Variants in CLSTN2 observed in about 807,000 individuals in gnomAD.
CLSTN2 encodes calsyntenin 2.
A neutral mutation model predicts 101.2 loss-of-function variants in CLSTN2; 48 were observed. That is an observed-to-expected ratio of 0.47 (90% confidence interval 0.38 to 0.60). CLSTN2 has a LOEUF of 0.60. Among genes scored for constraint, CLSTN2 ranks in the 20% least tolerant of loss-of-function variants. CLSTN2 has a pLI of 0.00. For synonymous variants in CLSTN2, 481 were observed against 463.6 expected (o/e 1.04, Z -0.48); for missense variants, 1,160 against 1,238.2 (o/e 0.94, Z 0.95).
chr3:140,247,606 T>C (rs2107872959), intron 2 of CLSTN2, among the ~76,000 whole-genome samples: 1 of 152,338 alleles, frequency 6.6e-6, no homozygotes, highest in Admixed American at 6.5e-5. Context: ...TTTACTTTGC[T>C]GCAGTTCTGT....
intron 2 of CLSTN2, among the ~76,000 whole-genome samples, chr3:140,233,664 T>C (rs2086390854): frequency 6.6e-6 from 1 of 152,242 alleles, no homozygotes; most frequent in South Asian, 2.1e-4. Flanking sequence ...CTCATACTCT[T>C]CTTGACTCTG....
intron 2 of CLSTN2, among the ~76,000 whole-genome samples, chr3:140,212,770 G>A (rs573642938): frequency 5.3e-5 from 8 of 152,086 alleles, no homozygotes; most frequent in South Asian, 2.1e-4. Context: ...ACATATTGTC[G>A]CTTATGCCTG....
chr3:140,192,476 T>C (rs1366118726), intron 2 of CLSTN2, among the ~76,000 whole-genome samples: 1 of 151,942 alleles, frequency 6.6e-6, no homozygotes, highest in Non-Finnish European at 1.5e-5. Flanking sequence ...TTTGCAGCTC[T>C]GTTGTTTAGT....
intron 1 of CLSTN2, among the ~76,000 whole-genome samples, chr3:139,986,744 A>G (rs1039097413): frequency 6.6e-6 from 1 of 151,962 alleles, no homozygotes; most frequent in Non-Finnish European, 1.5e-5. Flanking sequence ...TACAATGTAC[A>G]CTCTTCCCTG....
chr3:140,459,015 T>A (rs567500999), intron 6 of CLSTN2, among the ~76,000 whole-genome samples: 1 of 152,322 alleles, frequency 6.6e-6, no homozygotes, highest in East Asian at 1.9e-4. Flanking sequence ...TCTAGAACTT[T>A]CCCCAATCAC....
intron 8 of CLSTN2, among the ~76,000 whole-genome samples, chr3:140,530,638 T>C (rs1234676532): frequency 6.6e-6 from 1 of 152,272 alleles, no homozygotes; most frequent in Non-Finnish European, 1.5e-5. Context: ...CAGATGTGGA[T>C]TGCTGTAGAG....
chr3:140,256,827 A>AT (rs1279621133), intron 2 of CLSTN2, among the ~76,000 whole-genome samples: 1 of 152,202 alleles, frequency 6.6e-6, no homozygotes, highest in Admixed American at 6.5e-5. Context: ...TTTATAATGC[A>AT]TTGAGGTTTT....
intron 8 of CLSTN2, among the ~76,000 whole-genome samples, chr3:140,491,690 T>C (rs1252517834): frequency 6.6e-6 from 1 of 152,052 alleles, no homozygotes; most frequent in Non-Finnish European, 1.5e-5. Flanking sequence ...GACATGGTGC[T>C]ACACATCTAT....
Position 140,404,542 on chromosome 3 carries a change from C to T in CLSTN2, c.429-16C>T. 1.2e-6 allele frequency: 2 copies of T among 1,612,686 alleles called. No homozygotes were observed. Among genetic ancestry groups the T allele is most frequent in the Non-Finnish European group, 8.5e-7 (1 of 1,178,754 alleles). ...TTTCTTTACCACCATCCCTTCCTTT[C>T]TGTGTGTGGTCCCAGGGCCGTGGTC... On this transcript the variant is annotated splice_polypyrimidine_tract_variant and intron_variant, in intron 3 of 16. Coordinates refer to ENST00000458420, the MANE Select transcript of CLSTN2 (RefSeq NM_022131.3).
intron 1 of CLSTN2, among the ~76,000 whole-genome samples, chr3:139,979,061 C>T (rs1448913554): frequency 6.6e-6 from 1 of 152,122 alleles, no homozygotes; most frequent in African/African-American, 2.4e-5. Flanking sequence ...CTTGTACATG[C>T]CCCAGAATGT....
chr3:140,028,121 C>G (rs2007459436), intron 1 of CLSTN2, among the ~76,000 whole-genome samples: 1 of 152,222 alleles, frequency 6.6e-6, no homozygotes, highest in Non-Finnish European at 1.5e-5. Context: ...TCCATGGGCT[C>G]TGCTGTCAAC....
intron 4 of CLSTN2, among the ~76,000 whole-genome samples, chr3:140,419,404 C>T (rs1203346704): frequency 7.0e-6 from 1 of 142,776 alleles, no homozygotes; most frequent in African/African-American, 2.8e-5. Context: ...ATCACTTGAA[C>T]CCAGGAGGTG....
intron 2 of CLSTN2, among the ~76,000 whole-genome samples, chr3:140,381,491 AG>A (rs1390568315): frequency 6.6e-6 from 1 of 152,232 alleles, no homozygotes; most frequent in Non-Finnish European, 1.5e-5. Flanking sequence ...GTAAACTGGG[AG>A]TAAAAAGAAT....
intron 2 of CLSTN2, among the ~76,000 whole-genome samples, chr3:140,341,909 G>A (rs567306348): frequency 3.9e-5 from 6 of 152,178 alleles, no homozygotes; most frequent in Non-Finnish European, 8.8e-5. Context: ...TCTGACAGCA[G>A]GTGGTTAATT....
chr3:140,010,897 C>G (rs2007059330), intron 1 of CLSTN2, among the ~76,000 whole-genome samples: 1 of 152,180 alleles, frequency 6.6e-6, no homozygotes, highest in African/African-American at 2.4e-5. Context: ...AAGAAGGGCC[C>G]TTTTATATTC....
chr3:140,399,099 G>A (rs917672108), intron 2 of CLSTN2, among the ~76,000 whole-genome samples: 1 of 152,238 alleles, frequency 6.6e-6, no homozygotes, highest in Non-Finnish European at 1.5e-5. Flanking sequence ...CCCATGGCTA[G>A]CCTCACACCC....
intron 9 of CLSTN2, among the ~76,000 whole-genome samples, chr3:140,537,463 G>A (rs893200899): frequency 2.0e-5 from 3 of 152,184 alleles, no homozygotes; most frequent in African/African-American, 7.2e-5. Flanking sequence ...CTCAATTGTA[G>A]GGAAAGGCCT....
At chr3:140,486,351 C>A (rs1434802150) in intron 8 of CLSTN2, among the ~76,000 whole-genome samples, 1 of 152,114 alleles carries the variant, frequency 6.6e-6, no homozygotes, top group East Asian at 1.9e-4. Flanking sequence ...CTTTAAATGA[C>A]CATGACTGTT....
intron 2 of CLSTN2, among the ~76,000 whole-genome samples, chr3:140,341,222 A>T (rs968949876): frequency 1.3e-5 from 2 of 152,168 alleles, no homozygotes; most frequent in Admixed American, 6.5e-5. Flanking sequence ...TTTATTTTGG[A>T]AAACATTGAC....
Sources: gnomAD v4.1 joint callset for allele counts (sites outside exome capture counted in the v4.1 genomes callset) on GRCh38, gnomAD v4.1.1 for gene constraint, MANE v1.5 for transcripts, NCBI Gene and HGNC (gene_info 2026-07-23, HGNC 2026-07-21) for gene names.